Variants in PPIL6 observed in about 807,000 individuals in gnomAD.
PPIL6 encodes the protein peptidylprolyl isomerase like 6, also known as probable inactive peptidyl-prolyl cis-trans isomerase-like 6.
Under a neutral mutation model 36.8 loss-of-function variants are expected in PPIL6, and 39 were observed. The ratio of observed to expected loss-of-function variants is 1.06; its 90% CI spans 0.82 to 1.38. PPIL6 has a LOEUF of 1.38. Among genes scored for constraint, PPIL6 ranks in the 40% most tolerant of loss-of-function variants. PPIL6 has a pLI of 0.00. For missense variants in PPIL6, 368 were observed against 379.1 expected, an observed-to-expected ratio of 0.97 and a Z score of 0.24; for synonymous variants, 123 against 134.1, an observed-to-expected ratio of 0.92 and a Z score of 0.57.
At chr6:109,427,868 A>C (rs768476447) in intron 3 of PPIL6, among the ~76,000 whole-genome samples, 1 of 152,056 alleles carries the variant, frequency 6.6e-6, no homozygotes, top group Non-Finnish European at 1.5e-5. Context: ...CTTCTTTCCT[A>C]TTTTTGGGAA....
chr6:109,410,500 T>A (rs1285585555), intron 6 of PPIL6, among the ~76,000 whole-genome samples: 2 of 152,018 alleles, frequency 1.3e-5, no homozygotes, highest in Non-Finnish European at 2.9e-5. Flanking sequence ...CTCACTACCA[T>A]CCCCGCTGAC....
chr6:109,421,864 CT>C (rs1773560935), intron 5 of PPIL6, among the ~76,000 whole-genome samples: 1 of 151,946 alleles, frequency 6.6e-6, no homozygotes, highest in African/African-American at 2.4e-5. Flanking sequence ...TATAGTGAGA[CT>C]CTGTCTCTAC....
intron 1 of PPIL6, among the ~76,000 whole-genome samples, chr6:109,439,137 G>A (rs1774633543): frequency 6.6e-6 from 1 of 152,074 alleles, no homozygotes; most frequent in Non-Finnish European, 1.5e-5. Context: ...ACAATGTGGA[G>A]TCGGCACAGA....
At chr6:109,424,536 G>A (rs942363257) in intron 5 of PPIL6, among the ~76,000 whole-genome samples, 1 of 152,164 alleles carries the variant, frequency 6.6e-6, no homozygotes, top group African/African-American at 2.4e-5. Context: ...TCAGAGGCAC[G>A]TGAACCACAG....
At chr6:109,433,898 GA>G (rs1774304073) in intron 2 of PPIL6, among the ~76,000 whole-genome samples, 1 of 152,182 alleles carries the variant, frequency 6.6e-6, no homozygotes, top group African/African-American at 2.4e-5. Flanking sequence ...CAAGACCCAT[GA>G]GAAAGGCAGG....
At chr6:109,403,151 T>A (rs1309528478) in intron 6 of PPIL6, 1 of 1,380,808 alleles carries the variant, frequency 7.2e-7, no homozygotes, top group East Asian at 2.5e-5. Context: ...TTAAATTAAA[T>A]TTTTTTAGAG....
At chr6:109,428,893 A>C (rs1163746158) in intron 3 of PPIL6, among the ~76,000 whole-genome samples, 1 of 152,208 alleles carries the variant, frequency 6.6e-6, no homozygotes, top group Non-Finnish European at 1.5e-5. Flanking sequence ...TGGCTGACTT[A>C]GGAAATGGAC....
chr6:109,435,615 C>T (rs1247541225), intron 2 of PPIL6, among the ~76,000 whole-genome samples: 1 of 148,622 alleles, frequency 6.7e-6, no homozygotes, highest in Non-Finnish European at 1.5e-5. Flanking sequence ...TAGTCAAAAA[C>T]AAAAACAAGA....
upstream of PPIL6, chr6:109,441,164 A>T (rs745963003): frequency 1.5e-5 from 24 of 1,613,942 alleles, 1 homozygote; most frequent in South Asian, 2.6e-4. Context: ...CTTCAACCTC[A>T]ACTGCTGGTG....
intron 1 of PPIL6, among the ~76,000 whole-genome samples, chr6:109,438,507 T>C (rs1421518002): frequency 6.6e-6 from 1 of 152,074 alleles, no homozygotes; most frequent in African/African-American, 2.4e-5. Context: ...ACATTATTAA[T>C]ACAATAAAGA....
chr6:109,406,272 G>A lies in PPIL6; in HGVS notation c.689-6102C>T, dbSNP rs992275399. On this transcript the variant is annotated intron_variant, in intron 6 of 7. Transcript: ENST00000521072. ...TCGTTATGTTACCCTGGCTGGTTTT[G>A]AACTCCTGGGCTCAAGCAATCCTCC... is the stretch of plus-strand genomic sequence containing the variant. 2.7e-5 allele frequency among the ~76,000 whole-genome samples: 4 copies of A among 150,168 alleles called. No homozygotes were observed. The East Asian group carries it at 7.8e-4, about 29-fold the overall frequency.
At chr6:109,435,350 T>G in intron 2 of PPIL6, among the ~76,000 whole-genome samples, 1 of 147,246 alleles carries the variant, frequency 6.8e-6, no homozygotes, top group African/African-American at 2.5e-5. Flanking sequence ...CAAGCTGGAG[T>G]ACAGTGGTGG....
chr6:109,439,504 C>T (rs917318969), intron 1 of PPIL6, among the ~76,000 whole-genome samples: 3 of 152,012 alleles, frequency 2.0e-5, no homozygotes, highest in African/African-American at 7.3e-5. Context: ...TTACAGAGAC[C>T]GCCACCACGC....
Position 109,427,010 on chromosome 6 carries a change from A to G in PPIL6, c.484-16T>C. ...CACAGTATAGCTACAAAATAAAGAC[A>G]AAAGGTTTCAAAGATTAAATATTTA... On this transcript the variant is annotated splice_polypyrimidine_tract_variant and intron_variant, in intron 4 of 7. Coordinates refer to ENST00000521072, the MANE Select transcript of PPIL6 (RefSeq NM_173672.5). The G allele has an allele frequency of 6.3e-7, 1 of 1,599,218 alleles. No individual in the cohort carries two copies.
chr6:109,420,174 A>T (rs1008940605), intron 5 of PPIL6, among the ~76,000 whole-genome samples: 3 of 151,738 alleles, frequency 2.0e-5, no homozygotes, highest in Non-Finnish European at 4.4e-5. Flanking sequence ...CTCCACCAAA[A>T]ATACAAAAAT....
chr6:109,412,477 C>A, intron 6 of PPIL6, among the ~76,000 whole-genome samples: 1 of 152,186 alleles, frequency 6.6e-6, no homozygotes, highest in Non-Finnish European at 1.5e-5. Flanking sequence ...AATCACATTA[C>A]CTGACTTCAA....
upstream of PPIL6, chr6:109,440,952 G>C: frequency 1.6e-6 from 1 of 627,882 alleles, no homozygotes; most frequent in Non-Finnish European, 2.7e-6. Context: ...GTTGCCGGGG[G>C]AACGCGGGAG....
intron 3 of PPIL6, among the ~76,000 whole-genome samples, chr6:109,430,583 C>A (rs1352632624): frequency 6.6e-6 from 1 of 152,164 alleles, no homozygotes; most frequent in African/African-American, 2.4e-5. Flanking sequence ...CACGCCACCA[C>A]GCCCAGCTAA....
intron 6 of PPIL6, among the ~76,000 whole-genome samples, chr6:109,403,338 A>G (rs1352531827): frequency 6.6e-6 from 1 of 152,084 alleles, no homozygotes; most frequent in South Asian, 2.1e-4. Flanking sequence ...CTAATAGTAA[A>G]TTTTTGGTAC....
Sources: allele counts gnomAD v4.1 joint callset (sites outside exome capture counted in the v4.1 genomes callset), GRCh38; gene constraint gnomAD v4.1.1; transcripts MANE v1.5; gene names NCBI Gene and HGNC (gene_info 2026-07-23, HGNC 2026-07-21).